The following GRM8 variants were observed in gnomAD, a reference collection of about 807,000 sequenced individuals.
GRM8 encodes glutamate metabotropic receptor 8.
Under a neutral mutation model 87.2 loss-of-function variants are expected in GRM8, and 47 were observed. The ratio of observed to expected loss-of-function variants is 0.54; its 90% CI spans 0.43 to 0.69. The LOEUF (loss-of-function observed/expected upper bound fraction) is 0.69, where lower values mean the gene tolerates loss of function less well. Ranked by LOEUF, GRM8 falls within the 30% of genes least tolerant of loss-of-function variation. The pLI is 0.00. For synonymous variants in GRM8, 396 were observed against 404.5 expected (o/e 0.98, Z 0.25); for missense variants, 1,019 against 1,139.2 (o/e 0.89, Z 1.52).
chr7:126,888,314 G>A (rs1312900303), intron 6 of GRM8, among the ~76,000 whole-genome samples: 5 of 152,036 alleles, frequency 3.3e-5, no homozygotes, highest in East Asian at 1.9e-4. Context: ...ATCCTTCTGC[G>A]TGCTGCTAAT....
At chr7:127,202,957 T>C (rs1795693563) in intron 2 of GRM8, among the ~76,000 whole-genome samples, 1 of 152,196 alleles carries the variant, frequency 6.6e-6, no homozygotes. Context: ...GCCAGAATGT[T>C]GGGGCCTAAC....
chr7:126,524,414 G>T (rs1442490940), intron 9 of GRM8, among the ~76,000 whole-genome samples: 1 of 152,176 alleles, frequency 6.6e-6, no homozygotes, highest in Non-Finnish European at 1.5e-5. Flanking sequence ...GGAGGCACAT[G>T]AGATCTGATG....
intron 3 of GRM8, among the ~76,000 whole-genome samples, chr7:127,016,255 A>G (rs942269772): frequency 6.6e-6 from 1 of 152,074 alleles, no homozygotes; most frequent in African/African-American, 2.4e-5. Flanking sequence ...TTGAGGCACT[A>G]TTCCTCCCAC....
chr7:127,089,917 A>G (rs1347709722), intron 3 of GRM8, among the ~76,000 whole-genome samples: 1 of 152,164 alleles, frequency 6.6e-6, no homozygotes, highest in African/African-American at 2.4e-5. Context: ...GGAGCCACAT[A>G]GTCATTCTGC....
chr7:126,872,153 G>A (rs1231669854), intron 6 of GRM8, among the ~76,000 whole-genome samples: 2 of 152,154 alleles, frequency 1.3e-5, no homozygotes, highest in African/African-American at 4.8e-5. Flanking sequence ...ATGGAAGGAA[G>A]GGAAGGGACT....
At chr7:126,599,206 G>C (rs1208483367) in intron 8 of GRM8, among the ~76,000 whole-genome samples, 2 of 152,070 alleles carry the variant, frequency 1.3e-5, no homozygotes, top group Non-Finnish European at 2.9e-5. Flanking sequence ...AATTTTATCT[G>C]GGTCACATAC....
intron 9 of GRM8, among the ~76,000 whole-genome samples, chr7:126,517,745 G>C (rs1812390035): frequency 1.3e-5 from 2 of 152,118 alleles, no homozygotes; most frequent in Non-Finnish European, 1.5e-5. Flanking sequence ...AATGGCATAA[G>C]AGTTTGGGGA....
chr7:126,718,352 G>C (rs1811987522), intron 7 of GRM8, among the ~76,000 whole-genome samples: 1 of 152,166 alleles, frequency 6.6e-6, no homozygotes, highest in Admixed American at 6.5e-5. Flanking sequence ...CAGTGACCAA[G>C]AGTGTTTATA....
chr7:127,046,780 T>C (rs1439655541), intron 3 of GRM8, among the ~76,000 whole-genome samples: 2 of 152,212 alleles, frequency 1.3e-5, no homozygotes, highest in Non-Finnish European at 2.9e-5. Flanking sequence ...TAAACATTTC[T>C]CTTTCTTGCC....
At chr7:127,079,847 T>G (rs1822665845) in intron 3 of GRM8, among the ~76,000 whole-genome samples, 2 of 152,170 alleles carry the variant, frequency 1.3e-5, no homozygotes, top group African/African-American at 4.8e-5. Flanking sequence ...TTTTTTTCCT[T>G]AAGTACTCCC....
chr7:126,687,850 C>T (rs1808354372), intron 7 of GRM8, among the ~76,000 whole-genome samples: 1 of 151,840 alleles, frequency 6.6e-6, no homozygotes, highest in Non-Finnish European at 1.5e-5. Flanking sequence ...CCTAGATTTG[C>T]ATTTCCATAT....
chr7:126,530,781 G>A (rs1191098858), intron 9 of GRM8, among the ~76,000 whole-genome samples: 2 of 152,154 alleles, frequency 1.3e-5, no homozygotes, highest in African/African-American at 4.8e-5. Context: ...TTTAAGCAAT[G>A]TGAAAACTTA....
chr7:127,235,902 T>C (rs1326457579), intron 2 of GRM8, among the ~76,000 whole-genome samples: 1 of 152,218 alleles, frequency 6.6e-6, no homozygotes, highest in Non-Finnish European at 1.5e-5. Flanking sequence ...CACATATCTG[T>C]TAATAAAATC....
intron 9 of GRM8, among the ~76,000 whole-genome samples, chr7:126,477,634 AGAAAAAAC>A (rs1192082865): frequency 6.0e-5 from 9 of 149,578 alleles, no homozygotes; most frequent in Non-Finnish European, 1.3e-4. Flanking sequence ...AAAGAAAGAA[AGAAAAAAC>A]GAAAGAGAAA....
chr7:126,779,297 T>C (rs1478975108), intron 6 of GRM8, among the ~76,000 whole-genome samples: 1 of 152,120 alleles, frequency 6.6e-6, no homozygotes, highest in African/African-American at 2.4e-5. Context: ...ATAATTTATA[T>C]AACATTATTT....
rs1486484912 is a variant in GRM8, at chr7:126,903,783, A to G, written c.1018+189T>C. Among the ~76,000 whole-genome samples the G allele has an allele frequency of 2.3e-4, 34 of 146,792 alleles. 1 individual carries two copies. The highest frequency in any genetic ancestry group is 7.5e-4 in the African/African-American group (30 of 40,068). On this transcript the variant is annotated intron_variant, in intron 5 of 10. Transcript: ENST00000339582. ...TATATATATGTGTGTGTGTATATAT[A>G]TATATATATATATATATATGCATAT...
chr7:127,003,289 C>T (rs938809248), intron 3 of GRM8, among the ~76,000 whole-genome samples: 30 of 151,716 alleles, frequency 2.0e-4, no homozygotes, highest in African/African-American at 6.3e-4. Context: ...ATTCTATAAA[C>T]AGCAACATCT....
At chr7:127,139,326 A>G (rs531834943) in intron 2 of GRM8, among the ~76,000 whole-genome samples, 1 of 152,228 alleles carries the variant, frequency 6.6e-6, no homozygotes, top group Non-Finnish European at 1.5e-5. Flanking sequence ...AGATAACAAA[A>G]TGTAACCTGA....
intron 7 of GRM8, among the ~76,000 whole-genome samples, chr7:126,738,175 C>A (rs1814452651): frequency 1.3e-5 from 2 of 152,002 alleles, no homozygotes; most frequent in Admixed American, 1.3e-4. Flanking sequence ...CAATAAGAAC[C>A]TTTTCAGGAC....
Sources: gnomAD v4.1 joint callset for allele counts (sites outside exome capture counted in the v4.1 genomes callset) on GRCh38, gnomAD v4.1.1 for gene constraint, MANE v1.5 for transcripts, NCBI Gene and HGNC (gene_info 2026-07-23, HGNC 2026-07-21) for gene names.